Variants in FAM193A observed in about 807,000 individuals in gnomAD.
FAM193A encodes the protein protein FAM193A.
Under a neutral mutation model 126.5 loss-of-function variants are expected in FAM193A, and 22 were observed. The ratio of observed to expected loss-of-function variants is 0.17; its 90% CI spans 0.12 to 0.25. The LOEUF (loss-of-function observed/expected upper bound fraction) is 0.25. FAM193A is among the 10% of genes least tolerant of loss of function. FAM193A has a pLI of 1.00. For missense variants in FAM193A, 1,675 were observed against 1,672.8 expected (o/e 1.00, Z -0.02); for synonymous variants, 761 against 646.8 (o/e 1.18, Z -2.68).
rs181955588 is a variant in FAM193A, at chr4:2,555,003, A to G, written c.255+17833A>G. Among the ~76,000 whole-genome samples the G allele has an allele frequency of 2.7e-4, 41 of 152,228 alleles. 1 individual carries two copies. Among genetic ancestry groups the G allele is most frequent in the Admixed American group, 2.4e-3 (36 of 15,262 alleles). The stretch of plus-strand genomic sequence containing the variant: ...GTAGATAGCTGCCTGATTATTCTTC[A>G]TTAATTGTGCTTATTCATATTTTCA... On this transcript the variant is annotated intron_variant, in intron 1 of 20. Transcript: ENST00000637812.
chr4:2,624,648 T>C (rs951846150), intron 2 of FAM193A, among the ~76,000 whole-genome samples: 1 of 152,222 alleles, frequency 6.6e-6, no homozygotes, highest in Non-Finnish European at 1.5e-5. Context: ...GTGTGCTGAT[T>C]AGGACAGTGG....
At chr4:2,642,268 A>T (rs971015274) in intron 6 of FAM193A, among the ~76,000 whole-genome samples, 2 of 151,814 alleles carry the variant, frequency 1.3e-5, no homozygotes, top group Non-Finnish European at 2.9e-5. Flanking sequence ...ACGCCACTAC[A>T]CTCCAGCCTG....
chr4:2,726,459 A>G (rs116618009), intron 20 of FAM193A, among the ~76,000 whole-genome samples: 2,673 of 151,846 alleles, frequency 0.018, 60 homozygotes, highest in African/African-American at 0.051. Context: ...GGTTTCAGGG[A>G]AAAAAAAGGG....
chr4:2,716,186 TC>T lies in FAM193A; in HGVS notation c.4454+83del, dbSNP rs747492999. ...TGGTTTTCTGTCTTTCCATGGCACT[TC>T]TAGTTGTCTTGGACGAAGTTACATC... On this transcript the variant is annotated intron_variant, in intron 20 of 20. Coordinates refer to ENST00000637812, the MANE Select transcript of FAM193A (RefSeq NM_001366318.2). The T allele has an allele frequency of 2.6e-5, 24 of 941,048 alleles. No individual in the cohort carries two copies. The East Asian group carries it at 3.8e-4, about 15-fold the overall frequency. 58.3% of individuals were successfully genotyped at this position (941,048 alleles called of 1,614,324 possible). A position where few individuals can be genotyped will look rare whatever the true frequency, so the allele number is the denominator to read the frequency against.
intron 2 of FAM193A, among the ~76,000 whole-genome samples, chr4:2,598,182 C>A (rs538698087): frequency 6.6e-6 from 1 of 152,312 alleles, no homozygotes; most frequent in Non-Finnish European, 1.5e-5. Context: ...CATGAGCCAC[C>A]GCGCCTGGCC....
Position 2,699,899 on chromosome 4 carries a change from A to C in FAM193A, c.3727A>C (p.Thr1243Pro), listed in dbSNP as rs1717504898. 3 of 1,614,140 alleles carry C rather than the reference A, an allele frequency of 1.9e-6. No homozygotes were observed. Among genetic ancestry groups the C allele is most frequent in the South Asian group, 2.2e-5 (2 of 91,080 alleles). Residue 1243 changes from threonine (T) to proline (P), a missense_variant, in exon 19 of 21, where the codon ACT (threonine) becomes CCT (proline). Transcript: ENST00000637812. The part of the protein sequence containing the change: ...SKDCPKLDML[T>P]RNFQAATESV... ...AGACTGCCCCAAGTTGGACATGCTC[A>C]CTAGAAATTTCCAGGCAGCAACAGA...
rs558511160 is a variant in FAM193A, at chr4:2,580,505, C to T, written c.256-15579C>T. ...ATTTAATAAAAGGAAATGTGACCCC[C>T]ACCCCCCATTTTGGAGCTAGGGTCT... On this transcript the variant is annotated intron_variant, in intron 1 of 20. Coordinates refer to ENST00000637812, the MANE Select transcript of FAM193A (RefSeq NM_001366318.2). Among the ~76,000 whole-genome samples, 63 of 152,238 alleles carry T rather than the reference C, an allele frequency of 4.1e-4. 1 individual carries two copies. Among genetic ancestry groups the T allele is most frequent in the Middle Eastern group, 3.4e-3 (1 of 294 alleles).
At chr4:2,724,155 A>G (rs1395783134) in intron 20 of FAM193A, among the ~76,000 whole-genome samples, 1 of 152,192 alleles carries the variant, frequency 6.6e-6, no homozygotes, top group East Asian at 1.9e-4. Flanking sequence ...TATTAATTGT[A>G]GTAAAATCTT....
chr4:2,731,689 G>C (rs930176914), intron 20 of FAM193A, 86 bp from the exon 21 acceptor site: 3 of 1,024,478 alleles, frequency 2.9e-6, no homozygotes. Flanking sequence ...TTTCTGGCAA[G>C]AACAGGAGTG....
Position 2,631,144 on chromosome 4 carries a change from C to G in FAM193A, c.1013C>G (p.Ser338Cys), listed in dbSNP as rs1743535968. The G allele has an allele frequency of 1.9e-6, 3 of 1,611,796 alleles. No homozygotes were observed. Among genetic ancestry groups the G allele is most frequent in the Non-Finnish European group, 2.5e-6 (3 of 1,178,906 alleles). Residue 338 changes from serine (S) to cysteine (C), a missense_variant, in exon 5 of 21, where the codon TCC (serine) becomes TGC (cysteine). Ser to Cys is a moderately radical substitution (Grantham distance 112, BLOSUM62 -1). Coordinates refer to ENST00000637812, the MANE Select transcript of FAM193A (RefSeq NM_001366318.2). ...EYGALCQAAR[S>C]ISTFLGTLEN... ...GGCGCCCTCTGCCAGGCCGCACGCT[C>G]CATCAGCACCTTCCTTGGCACTCTG...
intron 2 of FAM193A, among the ~76,000 whole-genome samples, chr4:2,619,638 G>A (rs1286674684): frequency 6.6e-6 from 1 of 151,736 alleles, no homozygotes; most frequent in Non-Finnish European, 1.5e-5. Context: ...CAAAGTGCTG[G>A]GATAATAGGC....
intron 12 of FAM193A, among the ~76,000 whole-genome samples, chr4:2,664,640 C>T (rs1712895863): frequency 6.9e-6 from 1 of 144,034 alleles, no homozygotes; most frequent in Non-Finnish European, 1.5e-5. Context: ...GATCTCGCCT[C>T]ACTGCAACCT....
At chr4:2,603,184 G>A (rs1388433635) in intron 2 of FAM193A, among the ~76,000 whole-genome samples, 1 of 149,062 alleles carries the variant, frequency 6.7e-6, no homozygotes, top group South Asian at 2.1e-4. Context: ...TAGTAGAGAC[G>A]GGGTTTCACC....
At chr4:2,613,774 C>T (rs929514234) in intron 2 of FAM193A, among the ~76,000 whole-genome samples, 488 of 122,638 alleles carry the variant, frequency 4.0e-3, no homozygotes, top group African/African-American at 6.0e-3. Flanking sequence ...TTTTCTTTTT[C>T]TTTTTTTTTT....
At chr4:2,576,381 A>G (rs1028604898) in intron 1 of FAM193A, among the ~76,000 whole-genome samples, 4 of 152,178 alleles carry the variant, frequency 2.6e-5, no homozygotes, top group Non-Finnish European at 5.9e-5. Flanking sequence ...TACAGGTGTG[A>G]GCCACTGTGC....
intron 1 of FAM193A, among the ~76,000 whole-genome samples, chr4:2,571,900 T>C (rs1213948740): frequency 6.9e-6 from 1 of 145,140 alleles, no homozygotes; most frequent in African/African-American, 2.5e-5. Context: ...GCGCTGTGGC[T>C]CACGCCTGTA....
intron 2 of FAM193A, among the ~76,000 whole-genome samples, chr4:2,617,593 C>G (rs1362220333): frequency 6.6e-6 from 1 of 151,860 alleles, no homozygotes; most frequent in Non-Finnish European, 1.5e-5. Context: ...TTCATTTTGT[C>G]TCCTGTTGAC....
At chr4:2,614,800 GTTTC>G (rs1293109739) in intron 2 of FAM193A, among the ~76,000 whole-genome samples, 1 of 152,150 alleles carries the variant, frequency 6.6e-6, no homozygotes, top group African/African-American at 2.4e-5. Context: ...GAGGTTATCT[GTTTC>G]TTTGTTAGTG....
chr4:2,639,929 T>C (rs1744452809), intron 6 of FAM193A, 70 bp downstream of exon 6: 1 of 1,462,950 alleles, frequency 6.8e-7, no homozygotes, highest in Non-Finnish European at 9.4e-7. Flanking sequence ...CTGGTGTGCG[T>C]GTACCCGAGT....
Sources: gnomAD v4.1 joint callset for allele counts (sites outside exome capture counted in the v4.1 genomes callset) on GRCh38, gnomAD v4.1.1 for gene constraint, MANE v1.5 for transcripts, NCBI Gene and HGNC (gene_info 2026-07-23, HGNC 2026-07-21) for gene names.